FBN2: variants seen among roughly 807,000 people sequenced by gnomAD.
The protein encoded by FBN2 is fibrillin 2.
FBN2 carries 105 observed loss-of-function variants against 355.6 expected under a neutral mutation model. The observed-to-expected ratio is 0.30, with a 90% CI of 0.25 to 0.35. FBN2 has a LOEUF of 0.35. Among genes scored for constraint, FBN2 ranks in the 10% least tolerant of loss-of-function variants. The probability of loss-of-function intolerance (pLI) is 1.00; values close to 1 mark genes in which losing one functional copy is unlikely to be tolerated. For missense variants in FBN2, 3,280 were observed against 3,758.7 expected (o/e 0.87, Z 3.33); for synonymous variants, 1,350 against 1,301.2 (o/e 1.04, Z -0.81).
intron 6 of FBN2, among the ~76,000 whole-genome samples, chr5:128,449,833 A>C (rs2127062793): frequency 6.6e-6 from 1 of 152,170 alleles, no homozygotes; most frequent in South Asian, 2.1e-4. Flanking sequence ...AAAAGTAAAG[A>C]GATGAAAAAG....
chr5:128,455,053 T>C (rs1012330229), intron 6 of FBN2, among the ~76,000 whole-genome samples: 10 of 152,206 alleles, frequency 6.6e-5, no homozygotes, highest in African/African-American at 2.4e-4. Flanking sequence ...AGGAGCACCC[T>C]GTTCATTTGA....
intron 55 of FBN2, among the ~76,000 whole-genome samples, chr5:128,284,152 T>C (rs1028575886): frequency 2.6e-5 from 4 of 152,234 alleles, no homozygotes; most frequent in South Asian, 2.1e-4. Flanking sequence ...TAACAACTAA[T>C]ACTTAATTGA....
At chr5:128,504,043 G>C (rs1755887206) in intron 5 of FBN2, among the ~76,000 whole-genome samples, 1 of 152,300 alleles carries the variant, frequency 6.6e-6, no homozygotes, top group Non-Finnish European at 1.5e-5. Context: ...CCAATGTACA[G>C]CTCAGGCTGT....
chr5:128,464,715 C>G lies in FBN2; in HGVS notation c.826+9G>C. 1.2e-6 allele frequency: 2 copies of G among 1,612,026 alleles called. No individual in the cohort carries two copies. The highest frequency in any genetic ancestry group is 1.3e-5 in the African/African-American group (1 of 75,018). On this transcript the variant is annotated intron_variant, in intron 6 of 64. Transcript: ENST00000262464. ...TGCGATGGTGTGCACAGGCAGACAGCTGACTCACCTTGGCAAGCTCCAGTG... is the reference window on the plus strand; with the variant it reads ...TGCGATGGTGTGCACAGGCAGACAGGTGACTCACCTTGGCAAGCTCCAGTG...
At chr5:128,456,404 T>A (rs1032976596) in intron 6 of FBN2, among the ~76,000 whole-genome samples, 6 of 151,934 alleles carry the variant, frequency 3.9e-5, no homozygotes, top group African/African-American at 1.5e-4. Context: ...GCCGAGTGGG[T>A]TTCCCCCCAG....
At chr5:128,312,526 T>C in intron 37 of FBN2, 108 bp downstream of exon 37, 1 of 1,225,480 alleles carries the variant, frequency 8.2e-7, no homozygotes, top group South Asian at 1.4e-5. Flanking sequence ...ATTCAGTTTT[T>C]TTGTTTTGTC....
rs756358186 is a variant in FBN2 at position 128,335,554 on chromosome 5, T to C, written c.3748A>G (p.Asn1250Asp). 2 of 1,614,180 alleles carry C rather than the reference T, an allele frequency of 1.2e-6. No individual in the cohort carries two copies. Among genetic ancestry groups the C allele is most frequent in the Non-Finnish European group, 1.7e-6 (2 of 1,179,990 alleles). ...GTGCACTGGGTGTCACAGCCTCCGTTCATTATCATACATTCATCAATATCT... is the reference window on the plus strand; with the variant it reads ...GTGCACTGGGTGTCACAGCCTCCGTCCATTATCATACATTCATCAATATCT... ...CTDIDECMIM[N>D]GGCDTQCTNS... Residue 1250 changes from asparagine (N) to aspartate (D), a missense_variant, in exon 29 of 65, where the codon AAC becomes GAC. Transcript: ENST00000262464.
intron 33 of FBN2, 66 bp from the exon 34 acceptor site, chr5:128,328,887 C>CT (rs1750623269): frequency 6.4e-7 from 1 of 1,557,026 alleles, no homozygotes. Context: ...TCTCCTTGCT[C>CT]TATAAATAGA....
chr5:128,384,062 A>G (rs899231133), intron 11 of FBN2, among the ~76,000 whole-genome samples: 3 of 152,152 alleles, frequency 2.0e-5, no homozygotes, highest in Non-Finnish European at 4.4e-5. Flanking sequence ...GAATATATAA[A>G]TAAACTGTGC....
intron 5 of FBN2, among the ~76,000 whole-genome samples, chr5:128,514,079 T>C (rs1424864314): frequency 1.3e-5 from 2 of 151,916 alleles, no homozygotes; most frequent in Non-Finnish European, 1.5e-5. Flanking sequence ...ACATCTGCAG[T>C]TGGTAACATT....
At chr5:128,513,594 C>A (rs1300145807) in intron 5 of FBN2, among the ~76,000 whole-genome samples, 1 of 152,146 alleles carries the variant, frequency 6.6e-6, no homozygotes, top group Non-Finnish European at 1.5e-5. Flanking sequence ...TACTGGGCTG[C>A]CAAAAGTTCA....
chr5:128,368,030 T>C (rs1425688606), intron 16 of FBN2, among the ~76,000 whole-genome samples: 3 of 152,152 alleles, frequency 2.0e-5, no homozygotes, highest in African/African-American at 7.2e-5. Context: ...TCTTACTCAT[T>C]TTTTTCAAGA....
At position 128,350,545 on chromosome 5, in the gene FBN2, G is replaced by A. The variant is rs906779435; in HGVS notation, c.2812+323C>T. 1.3e-4 allele frequency among the ~76,000 whole-genome samples: 20 copies of A among 152,214 alleles called. No homozygotes were observed. In the South Asian group the frequency reaches 2.7e-3, roughly 21 times the overall value. ...CAGCCTGGTGACAGAGCGAGACTCC[G>A]TCTCAAAAAAATAAAAGTAAACAAA... is the stretch of plus-strand genomic sequence containing the variant. On this transcript the variant is annotated intron_variant, in intron 21 of 64. Coordinates refer to ENST00000262464, the MANE Select transcript of FBN2 (RefSeq NM_001999.4).
intron 20 of FBN2, among the ~76,000 whole-genome samples, chr5:128,351,584 T>C (rs942717223): frequency 1.3e-5 from 2 of 152,098 alleles, no homozygotes; most frequent in African/African-American, 4.8e-5. Flanking sequence ...AGCATATACT[T>C]TGAAAATACT....
chr5:128,449,595 C>A (rs188474245), intron 6 of FBN2, among the ~76,000 whole-genome samples: 95 of 150,708 alleles, frequency 6.3e-4, no homozygotes, highest in Admixed American at 1.5e-3. Context: ...AACTGCAATA[C>A]AAGAATATAC....
At chr5:128,351,869 CT>C (rs554504775) in intron 20 of FBN2, among the ~76,000 whole-genome samples, 120 of 146,296 alleles carry the variant, frequency 8.2e-4, no homozygotes, top group South Asian at 2.4e-3. Flanking sequence ...CCCCGCCCTT[CT>C]TTTTTTTTTT....
chr5:128,338,150 A>G (rs1750896055), intron 26 of FBN2, 28 bp from the exon 27 acceptor site: 1 of 1,612,142 alleles, frequency 6.2e-7, no homozygotes, highest in East Asian at 2.2e-5. Flanking sequence ...GAGATCCATT[A>G]AAGAACTCTG....
chr5:128,328,516 T>C, intron 34 of FBN2, 180 bp downstream of exon 34: 1 of 726,770 alleles, frequency 1.4e-6, no homozygotes, highest in Non-Finnish European at 2.4e-6. Context: ...TCATAAGAGA[T>C]GAAAGCCGCC....
chr5:128,365,951 TA>T (rs1751754292), intron 17 of FBN2, among the ~76,000 whole-genome samples: 2 of 151,802 alleles, frequency 1.3e-5, no homozygotes, highest in African/African-American at 4.8e-5. Flanking sequence ...CTTAACAAAT[TA>T]TTTCAGCCAG....
Sources: allele counts gnomAD v4.1 joint callset (sites outside exome capture counted in the v4.1 genomes callset), GRCh38; gene constraint gnomAD v4.1.1; transcripts MANE v1.5; gene names NCBI Gene and HGNC (gene_info 2026-07-23, HGNC 2026-07-21).